The following GTF2A1L variants were observed in gnomAD, a reference collection of about 807,000 sequenced individuals.
The protein encoded by GTF2A1L is general transcription factor IIA subunit 1 like, also known as TFIIA-alpha and beta-like factor.
GTF2A1L carries 48 observed loss-of-function variants against 49.7 expected under a neutral mutation model. The ratio of observed to expected loss-of-function variants is 0.97; its 90% CI spans 0.77 to 1.23. The LOEUF is 1.23. Among genes scored for constraint, GTF2A1L ranks in the 50% most tolerant of loss-of-function variants. The pLI is 0.00. For missense variants in GTF2A1L, 736 were observed against 564.8 expected, an observed-to-expected ratio of 1.30 and a Z score of -3.07; for synonymous variants, 246 against 193.5, an observed-to-expected ratio of 1.27 and a Z score of -2.25.
intron 8 of GTF2A1L, among the ~76,000 whole-genome samples, chr2:48,678,647 C>T (rs1363674263): frequency 1.3e-5 from 2 of 152,024 alleles, no homozygotes; most frequent in African/African-American, 4.8e-5. Flanking sequence ...GTGTCTGTGT[C>T]TAGGCTGATT....
intron 4 of GTF2A1L, among the ~76,000 whole-genome samples, chr2:48,643,986 A>G (rs570262951): frequency 3.9e-4 from 59 of 152,182 alleles, no homozygotes; most frequent in African/African-American, 1.4e-3. Flanking sequence ...GGCGTGAGCC[A>G]CCGTGCCCGG....
At chr2:48,657,082 T>C (rs2104253321) in intron 6 of GTF2A1L, among the ~76,000 whole-genome samples, 1 of 152,336 alleles carries the variant, frequency 6.6e-6, no homozygotes, top group South Asian at 2.1e-4. Flanking sequence ...GGTTTTATTT[T>C]TTAATTTTTA....
At position 48,645,044 on chromosome 2, in the gene GTF2A1L, C is replaced by G; in HGVS notation, c.315C>G (p.Asn105Lys). ...TTTCTTATATCTAGGGCACTTCAAA[C>G]TCCAGTGCAAACTTTACTTTTCCTG... is the stretch of plus-strand genomic sequence containing the variant. ...SFTTAELGTS[N>K]SSANFTFPGY... The change falls in exon 5 of 9, where the codon AAC becomes AAG. Residue 105 changes from asparagine to lysine, a missense_variant. Physicochemically the swap from Asn to Lys is moderately conservative, Grantham distance 94 (BLOSUM62 0). Transcript: ENST00000403751. 2 of 1,611,118 alleles carry G rather than the reference C, an allele frequency of 1.2e-6. No homozygotes were observed. The highest frequency in any genetic ancestry group is 1.7e-6 in the Non-Finnish European group (2 of 1,179,054).
intron 3 of GTF2A1L, among the ~76,000 whole-genome samples, chr2:48,640,141 A>G (rs758148921): frequency 5.3e-5 from 8 of 152,220 alleles, no homozygotes; most frequent in Non-Finnish European, 8.8e-5. Context: ...CAGTATGGCA[A>G]TTCCTCAAAG....
At chr2:48,659,609 G>C (rs779609877) in intron 6 of GTF2A1L, among the ~76,000 whole-genome samples, 1 of 151,640 alleles carries the variant, frequency 6.6e-6, no homozygotes, top group Non-Finnish European at 1.5e-5. Flanking sequence ...ATGAACTTGG[G>C]GTGTCTTTCC....
In GTF2A1L at chr2:48,679,571, T is replaced by A. The variant is rs553532540; in HGVS notation, c.*129T>A. 1.9e-4 allele frequency: 272 copies of A among 1,443,786 alleles called. No individual in the cohort carries two copies. Among genetic ancestry groups the A allele is most frequent in the Admixed American group, 8.4e-4 (26 of 30,908 alleles). 89.4% of individuals were successfully genotyped at this position (1,443,786 alleles called of 1,614,324 possible). ...AATTTTTAGTTCACTGTATGGAATTTAATAAAATTATAATTCAGATGCAGA... is the reference window on the plus strand; with the variant it reads ...AATTTTTAGTTCACTGTATGGAATTAAATAAAATTATAATTCAGATGCAGA... On this transcript the variant is annotated 3_prime_UTR_variant, in exon 9 of 9. Coordinates refer to ENST00000403751, the MANE Select transcript of GTF2A1L (RefSeq NM_006872.5).
chr2:48,653,920 CAAAAAAAAAAAAA>C (rs70946819), intron 6 of GTF2A1L, among the ~76,000 whole-genome samples: 1 of 108,680 alleles, frequency 9.2e-6, no homozygotes, highest in African/African-American at 4.0e-5. Context: ...GACTGTGTCT[CAAAAAAAAAAAAA>C]AAAAAAAAAA....
At chr2:48,658,136 T>A (rs972631555) in intron 6 of GTF2A1L, among the ~76,000 whole-genome samples, 4 of 152,224 alleles carry the variant, frequency 2.6e-5, no homozygotes, top group African/African-American at 7.2e-5. Context: ...ATTGTTTTTG[T>A]TGCAATAGCT....
rs114424689 is a variant in GTF2A1L at position 48,640,269 on chromosome 2, T to C, written c.248-2133T>C. Among the ~76,000 whole-genome samples, 1,288 of 152,248 alleles carry C rather than the reference T, an allele frequency of 8.5e-3. 21 individuals carry two copies. The highest frequency in any genetic ancestry group is 0.029 in the African/African-American group (1,204 of 41,532). On this transcript the variant is annotated intron_variant, in intron 3 of 8. Transcript: ENST00000403751. The stretch of plus-strand genomic sequence containing the variant: ...ATGTTCATTACAGCACTTTTCACAA[T>C]AGCAAAGACAGGGAATCAACCTAAA...
At chr2:48,651,716 CAAAA>C (rs1303220761) in intron 6 of GTF2A1L, among the ~76,000 whole-genome samples, 2 of 152,058 alleles carry the variant, frequency 1.3e-5, no homozygotes, top group East Asian at 3.9e-4. Context: ...AGACATTTAT[CAAAA>C]AATGTAGGCA....
intron 3 of GTF2A1L, among the ~76,000 whole-genome samples, chr2:48,631,413 G>T (rs1372670460): frequency 6.6e-6 from 1 of 152,124 alleles, no homozygotes; most frequent in Non-Finnish European, 1.5e-5. Flanking sequence ...TGTGTATGTA[G>T]AGGTATTCTA....
intron 8 of GTF2A1L, among the ~76,000 whole-genome samples, chr2:48,673,567 T>A (rs1455902752): frequency 2.0e-5 from 3 of 152,028 alleles, no homozygotes; most frequent in African/African-American, 7.2e-5. Context: ...TTTCACCGTG[T>A]TAGCCAGGAT....
intron 3 of GTF2A1L, among the ~76,000 whole-genome samples, chr2:48,636,688 A>G (rs1676906890): frequency 6.6e-6 from 1 of 152,218 alleles, no homozygotes; most frequent in South Asian, 2.1e-4. Flanking sequence ...TGGTTTGTAT[A>G]TTACACTCCG....
In GTF2A1L at chr2:48,661,247, CTTTTTTTTTT is replaced by C. The variant is rs70946820; in HGVS notation, c.979-8456_979-8447del. On this transcript the variant is annotated intron_variant, in intron 6 of 8. Transcript: ENST00000403751. ...CCATTGTTTTCACTGCATCCCCAAACTTTTTTTTTTTTTTTTTTTTTTTTTTTTGAGACAG... is the reference window on the plus strand; with the variant it reads ...CCATTGTTTTCACTGCATCCCCAAACTTTTTTTTTTTTTTTTTTGAGACAG... 5.6e-4 allele frequency among the ~76,000 whole-genome samples: 35 copies of C among 62,740 alleles called. No individual in the cohort carries two copies. The East Asian group carries it at 9.8e-3, about 18-fold the overall frequency. The allele number at this position is 62,740 out of a possible 152,430, so 41.2% of individuals were successfully genotyped here. A position where few individuals can be genotyped will look rare whatever the true frequency, so the allele number is the denominator to read the frequency against.
intron 3 of GTF2A1L, 111 bp from the exon 4 acceptor site, chr2:48,642,290 AT>A: frequency 9.5e-7 from 1 of 1,054,992 alleles, no homozygotes; most frequent in South Asian, 2.9e-5. Flanking sequence ...AGAATTCACC[AT>A]GGTTTAACCT....
At chr2:48,640,646 G>A (rs891989403) in intron 3 of GTF2A1L, among the ~76,000 whole-genome samples, 6 of 152,136 alleles carry the variant, frequency 3.9e-5, no homozygotes, top group African/African-American at 1.2e-4. Flanking sequence ...TGTGACACGA[G>A]TTTACCTGTG....
chr2:48,674,531 A>G (rs2104319996), intron 8 of GTF2A1L, among the ~76,000 whole-genome samples: 1 of 152,358 alleles, frequency 6.6e-6, no homozygotes, highest in South Asian at 2.1e-4. Flanking sequence ...GATGCTGAAT[A>G]CAAATATAAA....
chr2:48,634,333 A>G (rs1221320313), intron 3 of GTF2A1L, among the ~76,000 whole-genome samples: 2 of 151,426 alleles, frequency 1.3e-5, no homozygotes, highest in Non-Finnish European at 2.9e-5. Flanking sequence ...CTGATCTCAA[A>G]CTCCTTACCT....
intron 3 of GTF2A1L, among the ~76,000 whole-genome samples, chr2:48,623,711 C>T (rs1676140959): frequency 6.6e-6 from 1 of 152,146 alleles, no homozygotes; most frequent in African/African-American, 2.4e-5. Context: ...ACATATATAC[C>T]ATGGAATACT....
Sources: gnomAD v4.1 joint callset for allele counts (sites outside exome capture counted in the v4.1 genomes callset) on GRCh38, gnomAD v4.1.1 for gene constraint, MANE v1.5 for transcripts, NCBI Gene and HGNC (gene_info 2026-07-23, HGNC 2026-07-21) for gene names.